CFAP20DC: variants seen among roughly 807,000 people sequenced by gnomAD.
CFAP20DC encodes the protein protein CFAP20DC.
Under a neutral mutation model 101.7 loss-of-function variants are expected in CFAP20DC, and 84 were observed. The observed-to-expected ratio is 0.83, with a 90% CI of 0.69 to 0.99. CFAP20DC has a LOEUF of 0.99. Among genes scored for constraint, CFAP20DC ranks in the 50% least tolerant of loss-of-function variants. The probability of loss-of-function intolerance (pLI) is 0.00; values close to 1 mark genes in which losing one functional copy is unlikely to be tolerated. For synonymous variants in CFAP20DC, 359 were observed against 351.2 expected (o/e 1.02, Z -0.25); for missense variants, 1,007 against 970.3 (o/e 1.04, Z -0.50).
intron 1 of CFAP20DC, 85 bp from the exon 2 acceptor site, chr3:59,047,339 A>G: frequency 1.1e-6 from 1 of 872,754 alleles, no homozygotes; most frequent in Non-Finnish European, 1.8e-6. Flanking sequence ...TGTTCCCGGC[A>G]TCTGTCAGTT....
intron 5 of CFAP20DC, among the ~76,000 whole-genome samples, chr3:58,931,971 C>A (rs1273711253): frequency 6.6e-6 from 1 of 152,188 alleles, no homozygotes; most frequent in Non-Finnish European, 1.5e-5. Context: ...GATCAAACTA[C>A]TCCGAGCTAC....
In CFAP20DC at chr3:58,869,321, T is replaced by G. The variant is rs368613898; in HGVS notation, c.1015+7A>C. The G allele has an allele frequency of 6.2e-7, 1 of 1,602,972 alleles. No individual in the cohort carries two copies. The highest frequency in any genetic ancestry group is 1.3e-5 in the African/African-American group (1 of 74,556). On this transcript the variant is annotated splice_region_variant and intron_variant, in intron 9 of 16. Transcript: ENST00000482387. This position sits in a 1 kb window ranked among gnomAD's most constrained non-coding sequence, Gnocchi z 4.3. ...GCTATCAATCTTTATGCATGATTAT[T>G]TCTTACCATGAATAGGTACAGTCTG...
In CFAP20DC at chr3:58,960,085, G is replaced by A. The variant is rs529578272; in HGVS notation, c.279-22323C>T. ...AAGTTGTTCACAGTATTCTCTTATC[G>A]TTTTAATTTCTAAAGGGTTATGAGC... On this transcript the variant is annotated intron_variant, in intron 4 of 16. Coordinates refer to ENST00000482387, the MANE Select transcript of CFAP20DC (RefSeq NM_001394063.1). Among the ~76,000 whole-genome samples the A allele has an allele frequency of 2.2e-4, 34 of 152,160 alleles. No individual in the cohort carries two copies. The South Asian group carries it at 5.4e-3, about 24-fold the overall frequency.
intron 13 of CFAP20DC, among the ~76,000 whole-genome samples, chr3:58,847,508 C>G (rs1435849854): frequency 6.6e-6 from 1 of 150,854 alleles, no homozygotes; most frequent in African/African-American, 2.4e-5. Context: ...ATTAAAAAGT[C>G]AGGAAACAAC....
At chr3:58,785,105 C>G (rs982965735) in intron 15 of CFAP20DC, among the ~76,000 whole-genome samples, 1 of 151,946 alleles carries the variant, frequency 6.6e-6, no homozygotes, top group African/African-American at 2.4e-5. Flanking sequence ...TCTTTTATGG[C>G]TGAATACTAT....
rs370222448 is a variant in CFAP20DC at position 58,995,975 on chromosome 3, A to AATCAATCTATCTATCTATCT, written c.278+43581_278+43582insAGATAGATAGATAGATTGAT. ...CCACATGAGCCAATTCTGTATAATAAATCTATCTATCTATCTATCTATCTA... is the reference window on the plus strand; with the variant it reads ...CCACATGAGCCAATTCTGTATAATAAATCAATCTATCTATCTATCTATCTATCTATCTATCTATCTATCTA... On this transcript the variant is annotated intron_variant, in intron 4 of 16. Coordinates refer to ENST00000482387, the MANE Select transcript of CFAP20DC (RefSeq NM_001394063.1). Among the ~76,000 whole-genome samples the AATCAATCTATCTATCTATCT allele has an allele frequency of 4.1e-4, 60 of 145,272 alleles. 1 individual carries two copies. The highest frequency in any genetic ancestry group is 1.9e-3 in the East Asian group (9 of 4,862).
rs141629211 is a variant in CFAP20DC, at chr3:58,767,045, C to T, written c.2238-13182G>A. Among the ~76,000 whole-genome samples, 709 of 152,234 alleles carry T rather than the reference C, an allele frequency of 4.7e-3. 5 individuals carry two copies. The highest frequency in any genetic ancestry group is 7.6e-3 in the Non-Finnish European group (519 of 68,014). On this transcript the variant is annotated intron_variant, in intron 15 of 16. Transcript: ENST00000482387. ...GTTTGTTTGATCATTTGATGAATGTCGCAACCCCATTAGACTCTAGCTCCT... is the reference window on the plus strand; with the variant it reads ...GTTTGTTTGATCATTTGATGAATGTTGCAACCCCATTAGACTCTAGCTCCT...
rs771734944 is a variant in CFAP20DC, at chr3:58,884,669, A to G, written c.591T>C (p.Asp197=). The change falls in exon 7 of 17, where the codon GAT becomes GAC. Residue 197 remains aspartate (D), a synonymous_variant. Coordinates refer to ENST00000482387, the MANE Select transcript of CFAP20DC (RefSeq NM_001394063.1). ...TTAGTTGACAGCTTCGTGGTATAAT[A>G]TCTGTAGGCTCATCTGTTGAAAAGG... ...GVPFSTDEPT[D]IIPRSCQLMT... is the part of the protein sequence containing the mutation. 6.2e-7 allele frequency: 1 copy of G among 1,613,874 alleles called. No homozygotes were observed. Among genetic ancestry groups the G allele is most frequent in the South Asian group, 1.1e-5 (1 of 91,050 alleles).
chr3:58,801,790 T>TA (rs2073727605), intron 15 of CFAP20DC, among the ~76,000 whole-genome samples: 1 of 152,192 alleles, frequency 6.6e-6, no homozygotes, highest in Non-Finnish European at 1.5e-5. Flanking sequence ...ATAATTATGG[T>TA]TATAAGTGTG....
chr3:58,986,118 T>C (rs9834814), intron 4 of CFAP20DC, among the ~76,000 whole-genome samples: 16,853 of 152,190 alleles, frequency 0.11, 2,357 homozygotes, highest in African/African-American at 0.33. Context: ...CTGCTACAAA[T>C]ACATAGTCTG....
At chr3:58,758,911 C>A (rs1196184816) in intron 15 of CFAP20DC, among the ~76,000 whole-genome samples, 4 of 152,102 alleles carry the variant, frequency 2.6e-5, no homozygotes, top group Non-Finnish European at 5.9e-5. Context: ...TGTATATGTG[C>A]CACATTTTCT....
intron 14 of CFAP20DC, among the ~76,000 whole-genome samples, chr3:58,813,247 A>C (rs1484568658): frequency 6.6e-6 from 1 of 151,912 alleles, no homozygotes; most frequent in African/African-American, 2.4e-5. Flanking sequence ...ACATAGCTGA[A>C]CAACTATATC....
chr3:58,964,192 A>G lies in CFAP20DC; in HGVS notation c.279-26430T>C, dbSNP rs1051561332. Among the ~76,000 whole-genome samples, 3 of 152,186 alleles carry G rather than the reference A, an allele frequency of 2.0e-5. No individual in the cohort carries two copies. The highest frequency in any genetic ancestry group is 4.4e-5 in the Non-Finnish European group (3 of 68,026). On this transcript the variant is annotated intron_variant, in intron 4 of 16. Coordinates refer to ENST00000482387, the MANE Select transcript of CFAP20DC (RefSeq NM_001394063.1). The surrounding 1 kb of genome is among the most constrained non-coding windows in gnomAD (Gnocchi z 4.1). ...TCCAGATGTCATAACTATAGCTTCAATCGGACAAGAGACTGATTTCAATAA... is the reference window on the plus strand; with the variant it reads ...TCCAGATGTCATAACTATAGCTTCAGTCGGACAAGAGACTGATTTCAATAA...
intron 15 of CFAP20DC, among the ~76,000 whole-genome samples, chr3:58,755,333 T>C (rs1184409953): frequency 6.6e-6 from 1 of 152,118 alleles, no homozygotes; most frequent in Non-Finnish European, 1.5e-5. Context: ...GCATTTCTGA[T>C]AAGCACTGTT....
Position 58,912,778 on chromosome 3 carries a change from T to G in CFAP20DC, c.550+930A>C, listed in dbSNP as rs746561063. 1 of 452,772 alleles carries G rather than the reference T, an allele frequency of 2.2e-6. No individual in the cohort carries two copies. The highest frequency in any genetic ancestry group is 4.4e-6 in the Non-Finnish European group (1 of 226,058). 28.0% of individuals were successfully genotyped at this position (452,772 alleles called of 1,614,324 possible). On this transcript the variant is annotated intron_variant, in intron 6 of 16. Transcript: ENST00000482387. The surrounding 1 kb of genome is among the most constrained non-coding windows in gnomAD (Gnocchi z 4.4). ...TATTTATAAATCAAATTATGAACAA[T>G]TAATGTAAATATTTCTAGTCTCTCT...
rs1319998495 is a variant in CFAP20DC at position 58,852,748 on chromosome 3, G to A, written c.1594-3339C>T. Reference sequence around the variant, plus strand: ...CCTGAATGACTACTGGGTACATAACGAAATGAAGGGAGAAATAAAGATGTT... The same window carrying A: ...CCTGAATGACTACTGGGTACATAACAAAATGAAGGGAGAAATAAAGATGTT... On this transcript the variant is annotated intron_variant, in intron 12 of 16. Transcript: ENST00000482387. Among the ~76,000 whole-genome samples, 714 of 151,520 alleles carry A rather than the reference G, an allele frequency of 4.7e-3. 4 individuals carry two copies. Among genetic ancestry groups the A allele is most frequent in the African/African-American group, 0.015 (615 of 41,212 alleles).
intron 4 of CFAP20DC, among the ~76,000 whole-genome samples, chr3:58,972,049 G>A (rs1293580961): frequency 1.3e-5 from 2 of 152,106 alleles, no homozygotes; most frequent in African/African-American, 2.4e-5. Context: ...GCAATGATTA[G>A]TGGTTAACTA....
intron 3 of CFAP20DC, among the ~76,000 whole-genome samples, chr3:58,733,511 TA>T (rs199565176): frequency 9.6e-4 from 146 of 152,002 alleles, no homozygotes; most frequent in Middle Eastern, 3.4e-3. Flanking sequence ...AGAATAAAAG[TA>T]AAAAAAACCC....
rs1187347666 is a variant in CFAP20DC, at chr3:58,964,482, T to C, written c.279-26720A>G. The stretch of plus-strand genomic sequence containing the variant: ...GTATATTTGGTTAACCTGGTCCACT[T>C]AAATTCCTATCTTATCCCTTCCTTC... On this transcript the variant is annotated intron_variant, in intron 4 of 16. Coordinates refer to ENST00000482387, the MANE Select transcript of CFAP20DC (RefSeq NM_001394063.1). The surrounding 1 kb of genome is among the most constrained non-coding windows in gnomAD (Gnocchi z 4.1). 1.3e-5 allele frequency among the ~76,000 whole-genome samples: 2 copies of C among 152,352 alleles called. No individual in the cohort carries two copies. Among genetic ancestry groups the C allele is most frequent in the Non-Finnish European group, 2.9e-5 (2 of 68,030 alleles).
Sources: gnomAD v4.1 joint callset for allele counts (sites outside exome capture counted in the v4.1 genomes callset) on GRCh38, gnomAD v4.1.1 for gene constraint, Gnocchi (gnomAD v3.1) non-coding constraint, MANE v1.5 for transcripts, NCBI Gene and HGNC (gene_info 2026-07-23, HGNC 2026-07-21) for gene names.